Variants in CDKN2B-AS1 observed in about 807,000 individuals in gnomAD.
CDKN2B-AS1 encodes the protein CDKN2B and CDKN2A antisense cis and trans regulatory RNA 1, also known as CDKN2B antisense RNA 1 (non-protein coding).
rs1291763058 is a variant in CDKN2B-AS1, at chr9:21,999,468, G to A, written n.29+4307G>A. On this transcript the variant is annotated intron_variant and non_coding_transcript_variant, in intron 1 of 4. Coordinates refer to ENST00000650946, the Ensembl canonical transcript of CDKN2B-AS1. The surrounding 1 kb of genome is among the most constrained non-coding windows in gnomAD (Gnocchi z 4.7). ...TATGTACACACATATCTGTAAGTAT[G>A]GGAAGATGTATACACATGTACACAT... 1.3e-5 allele frequency among the ~76,000 whole-genome samples: 2 copies of A among 151,610 alleles called. No homozygotes were observed. Among genetic ancestry groups the A allele is most frequent in the Non-Finnish European group, 2.9e-5 (2 of 67,890 alleles).
intron 4 of CDKN2B-AS1, among the ~76,000 whole-genome samples, chr9:22,071,415 T>C (rs755235444): frequency 2.7e-5 from 4 of 148,846 alleles, no homozygotes; most frequent in Admixed American, 6.8e-5. Flanking sequence ...GGCCTAAGTA[T>C]ACGAGTACCT....
At position 22,018,429 on chromosome 9, in the gene CDKN2B-AS1, G is replaced by A. The variant is rs539695110; in HGVS notation, n.29+23268G>A. Among the ~76,000 whole-genome samples the A allele has an allele frequency of 8.1e-4, 124 of 152,180 alleles. 1 individual carries two copies. The highest frequency in any genetic ancestry group is 7.2e-4 in the Non-Finnish European group (49 of 68,010). On this transcript the variant is annotated intron_variant and non_coding_transcript_variant, in intron 1 of 4. Coordinates refer to ENST00000650946, the Ensembl canonical transcript of CDKN2B-AS1. ...TCCCAGCACTTTGGGAGGCCGAGGC[G>A]GGTGGATCACCTGAGGTCAGCAGTT...
chr9:22,081,837 A>T (rs1824708884), intron 4 of CDKN2B-AS1, among the ~76,000 whole-genome samples: 1 of 152,210 alleles, frequency 6.6e-6, no homozygotes, highest in Admixed American at 6.5e-5. Flanking sequence ...TCCTTAATGG[A>T]CACTCAGTGA....
At chr9:22,062,998 TAGAGAGAGAG>T (rs769270060) in intron 4 of CDKN2B-AS1, among the ~76,000 whole-genome samples, 3 of 148,476 alleles carry the variant, frequency 2.0e-5, no homozygotes, top group African/African-American at 5.0e-5. Context: ...TATATATATA[TAGAGAGAGAG>T]AGAGAGAGAG....
intron 1 of CDKN2B-AS1, chr9:22,009,170 A>G (rs1300325892): frequency 3.0e-6 from 2 of 665,506 alleles, no homozygotes; most frequent in Non-Finnish European, 2.6e-6. Flanking sequence ...CCTGGCGCTC[A>G]AGAACCAGCG....
intron 4 of CDKN2B-AS1, among the ~76,000 whole-genome samples, chr9:22,060,465 A>G (rs1038477213): frequency 5.3e-5 from 8 of 152,210 alleles, no homozygotes; most frequent in African/African-American, 9.6e-5. Flanking sequence ...TTTATTGTCC[A>G]TATCGCTGTT....
chr9:22,012,354 C>G lies in CDKN2B-AS1; in HGVS notation n.29+17193C>G, dbSNP rs913675457. 16 of 1,177,260 alleles carry G rather than the reference C, an allele frequency of 1.4e-5. No homozygotes were observed. In the South Asian group the frequency reaches 1.8e-4, roughly 13 times the overall value. The allele number at this position is 1,177,260 out of a possible 1,614,324, so 72.9% of individuals were successfully genotyped here. On this transcript the variant is annotated intron_variant and non_coding_transcript_variant, in intron 1 of 4. Transcript: ENST00000650946. ...TACAACGTCCAGAAACAGCCCACCC[C>G]GCACCTGGTGCTGCACCTGCGAGGT...
At position 22,076,633 on chromosome 9, in the gene CDKN2B-AS1, A is replaced by C. The variant is rs534813692; in HGVS notation, n.438+20246A>C. Among the ~76,000 whole-genome samples, 7 of 152,324 alleles carry C rather than the reference A, an allele frequency of 4.6e-5. No homozygotes were observed. The South Asian group carries it at 1.4e-3, about 32-fold the overall frequency. On this transcript the variant is annotated intron_variant and non_coding_transcript_variant, in intron 4 of 4. Transcript: ENST00000650946. ...CCCACTCCAAACCCCTCATTGCAAGAGCAGCTATAGTTTACTCATTTAGCA... is the reference window on the plus strand; with the variant it reads ...CCCACTCCAAACCCCTCATTGCAAGCGCAGCTATAGTTTACTCATTTAGCA...
intron 4 of CDKN2B-AS1, among the ~76,000 whole-genome samples, chr9:22,060,951 TG>T (rs1823792539): frequency 6.6e-6 from 1 of 152,082 alleles, no homozygotes; most frequent in African/African-American, 2.4e-5. Context: ...TCCCACAAAA[TG>T]TGGGAATTCT....
intron 1 of CDKN2B-AS1, among the ~76,000 whole-genome samples, chr9:22,015,801 A>G (rs1821727498): frequency 6.6e-6 from 1 of 152,148 alleles, no homozygotes; most frequent in South Asian, 2.1e-4. Context: ...CTGGTGTGAG[A>G]TGGTATCTCA....
intron 1 of CDKN2B-AS1, among the ~76,000 whole-genome samples, chr9:22,020,820 G>A (rs907069247): frequency 2.0e-5 from 3 of 152,160 alleles, no homozygotes; most frequent in African/African-American, 7.2e-5. Flanking sequence ...CTCCCATTCT[G>A]TAGGTTGTCT....
At chr9:22,029,448 C>G (rs774510475) in intron 1 of CDKN2B-AS1, 2 of 779,566 alleles carry the variant, frequency 2.6e-6, no homozygotes, top group Non-Finnish European at 4.8e-6. Context: ...TTTGCCACGA[C>G]ATTTCAAAGG....
At chr9:22,096,690 C>T (rs993373262) in intron 4 of CDKN2B-AS1, among the ~76,000 whole-genome samples, 1 of 152,128 alleles carries the variant, frequency 6.6e-6, no homozygotes, top group Non-Finnish European at 1.5e-5. Flanking sequence ...TGACCCTGGC[C>T]CTGTCCCACT....
intron 1 of CDKN2B-AS1, among the ~76,000 whole-genome samples, chr9:22,025,909 G>A (rs1822216949): frequency 6.6e-6 from 1 of 152,154 alleles, no homozygotes; most frequent in Admixed American, 6.5e-5. Context: ...ACACTCTGAA[G>A]CCCAAAGGCT....
chr9:22,122,290 G>C (rs1334973417), intron 4 of CDKN2B-AS1, among the ~76,000 whole-genome samples: 2 of 151,904 alleles, frequency 1.3e-5, no homozygotes, highest in Non-Finnish European at 2.9e-5. Context: ...ATATATTCTA[G>C]ATATTAATCT....
chr9:22,090,675 G>GT (rs893285134), intron 4 of CDKN2B-AS1, among the ~76,000 whole-genome samples: 6 of 150,820 alleles, frequency 4.0e-5, no homozygotes, highest in South Asian at 2.1e-4. Flanking sequence ...TGATGGGGCT[G>GT]TTTTTTTTTC....
intron 1 of CDKN2B-AS1, among the ~76,000 whole-genome samples, chr9:22,011,643 G>A (rs573687): frequency 0.25 from 38,701 of 152,000 alleles, 6,426 homozygotes; most frequent in Non-Finnish European, 0.37. Flanking sequence ...TTATTTTTCA[G>A]TCTACACTGT....
chr9:22,019,130 A>G (rs523096), intron 1 of CDKN2B-AS1, among the ~76,000 whole-genome samples: 45,083 of 152,174 alleles, frequency 0.3, 8,660 homozygotes, highest in Non-Finnish European at 0.44. Flanking sequence ...ATGGAGGAAA[A>G]CATTGTAGCT....
intron 1 of CDKN2B-AS1, among the ~76,000 whole-genome samples, chr9:22,031,628 G>GA (rs775513965): frequency 7.2e-5 from 11 of 151,834 alleles, no homozygotes; most frequent in Non-Finnish European, 1.2e-4. Context: ...AGGTCAATAT[G>GA]AAAAAAAATA....
Sources: allele counts gnomAD v4.1 joint callset (sites outside exome capture counted in the v4.1 genomes callset), GRCh38; gene constraint gnomAD v4.1.1; non-coding constraint Gnocchi (gnomAD v3.1); transcripts MANE v1.5; gene names NCBI Gene and HGNC (gene_info 2026-07-23, HGNC 2026-07-21).